IKZF2: variants seen among roughly 807,000 people sequenced by gnomAD.
IKZF2 encodes zinc finger protein Helios.
Under a neutral mutation model 49.2 loss-of-function variants are expected in IKZF2, and 15 were observed. The ratio of observed to expected loss-of-function variants is 0.30; its 90% CI spans 0.20 to 0.47. The LOEUF (loss-of-function observed/expected upper bound fraction) is 0.47. IKZF2 is among the 20% of genes least tolerant of loss of function. IKZF2 has a pLI of 1.00. For synonymous variants in IKZF2, 227 were observed against 221.4 expected (o/e 1.03, Z -0.23); for missense variants, 567 against 664.6 (o/e 0.85, Z 1.61).
At chr2:213,049,488 G>A (rs1272910862) in intron 6 of IKZF2, among the ~76,000 whole-genome samples, 1 of 151,992 alleles carries the variant, frequency 6.6e-6, no homozygotes, top group Non-Finnish European at 1.5e-5. Flanking sequence ...ATATATTGAA[G>A]TAAGATACTC....
intron 4 of IKZF2, among the ~76,000 whole-genome samples, chr2:213,088,663 C>T (rs2125623548): frequency 6.6e-6 from 1 of 152,212 alleles, no homozygotes; most frequent in African/African-American, 2.4e-5. Flanking sequence ...GAATCTGAGG[C>T]AGGAGAATCG....
Position 213,007,417 on chromosome 2 carries a change from G to T in IKZF2, c.1524C>A (p.Ser508Arg). Residue 508 changes from serine to arginine, a missense_variant, in exon 9 of 9, where the codon AGC becomes AGA. Ser to Arg is a moderately radical substitution (Grantham distance 110). This residue lies in a region of IKZF2 where 25 missense variants were observed against 27.0 expected (regional missense o/e 0.93). Transcript: ENST00000434687. ...GTGATGAAAACTCATAACGGTCCTGGCTTCTGTAGCCACAGATGTTGCATT... is the reference window on the plus strand; with the variant it reads ...GTGATGAAAACTCATAACGGTCCTGTCTTCTGTAGCCACAGATGTTGCATT... ...PLECNICGYR[S>R]QDRYEFSSHI... 1 of 1,613,496 alleles carries T rather than the reference G, an allele frequency of 6.2e-7. No individual in the cohort carries two copies. Among genetic ancestry groups the T allele is most frequent in the Non-Finnish European group, 8.5e-7 (1 of 1,179,634 alleles).
intron 4 of IKZF2, among the ~76,000 whole-genome samples, chr2:213,122,959 C>T (rs1188611972): frequency 6.6e-6 from 1 of 152,138 alleles, no homozygotes; most frequent in Non-Finnish European, 1.5e-5. Context: ...TGCTAAGGTG[C>T]ACATATTGAA....
At chr2:213,129,994 A>C in intron 4 of IKZF2, among the ~76,000 whole-genome samples, 1 of 152,358 alleles carries the variant, frequency 6.6e-6, no homozygotes, top group East Asian at 1.9e-4. Flanking sequence ...GGACCTGTAC[A>C]TAAAGATATA....
chr2:213,059,487 G>A (rs541324330), intron 4 of IKZF2, among the ~76,000 whole-genome samples: 1 of 151,404 alleles, frequency 6.6e-6, no homozygotes, highest in Admixed American at 6.6e-5. Context: ...AAATGCTATT[G>A]GTTATCCCAT....
At chr2:213,066,330 G>C (rs1031187481) in intron 4 of IKZF2, among the ~76,000 whole-genome samples, 3 of 152,012 alleles carry the variant, frequency 2.0e-5, no homozygotes, top group Non-Finnish European at 4.4e-5. Context: ...GGCAACAGAG[G>C]GAGGGAGGAG....
At chr2:213,076,061 T>G (rs1276879523) in intron 4 of IKZF2, among the ~76,000 whole-genome samples, 1 of 152,116 alleles carries the variant, frequency 6.6e-6, no homozygotes, top group Non-Finnish European at 1.5e-5. Context: ...AATCACTGAT[T>G]GTAAAAAAAC....
intron 4 of IKZF2, among the ~76,000 whole-genome samples, chr2:213,131,366 T>A (rs993119032): frequency 7.2e-5 from 11 of 152,206 alleles, no homozygotes; most frequent in Admixed American, 7.2e-4. Context: ...TTTTCATGTA[T>A]ATCTACTAAA....
chr2:213,093,767 T>C (rs1047434210), intron 4 of IKZF2, among the ~76,000 whole-genome samples: 17 of 152,282 alleles, frequency 1.1e-4, no homozygotes, highest in Admixed American at 3.3e-4. Context: ...ACTAGCTTTA[T>C]TGTCTTGGAA....
chr2:213,128,620 T>TTTGTTG lies in IKZF2; in HGVS notation c.139+19082_139+19087dup, dbSNP rs10692074. ...CAAGCCAAGAGTCAGAAGATAAGGTTTTGTTGTTGTTGTTGTTGTTTTTCA... is the reference window on the plus strand; with the variant it reads ...CAAGCCAAGAGTCAGAAGATAAGGTTTTGTTGTTGTTGTTGTTGTTGTTGTTTTTCA... On this transcript the variant is annotated intron_variant, in intron 4 of 8. Transcript: ENST00000434687. Among the ~76,000 whole-genome samples the TTTGTTG allele has an allele frequency of 9.2e-3, 1,397 of 151,092 alleles. 21 individuals are homozygous for TTTGTTG. The highest frequency in any genetic ancestry group is 0.032 in the African/African-American group (1,324 of 40,820).
At chr2:213,106,325 T>C (rs1559281718) in intron 4 of IKZF2, among the ~76,000 whole-genome samples, 1 of 151,834 alleles carries the variant, frequency 6.6e-6, no homozygotes, top group Non-Finnish European at 1.5e-5. Context: ...AAAGGAAGAG[T>C]TGGTCTAACT....
At chr2:213,047,070 A>C (rs1700218339) in intron 6 of IKZF2, among the ~76,000 whole-genome samples, 1 of 152,146 alleles carries the variant, frequency 6.6e-6, no homozygotes, top group African/African-American at 2.4e-5. Context: ...GACTCTTTCC[A>C]ACATGGAAGA....
intron 6 of IKZF2, among the ~76,000 whole-genome samples, chr2:213,048,694 C>T (rs1437624043): frequency 6.6e-6 from 1 of 151,820 alleles, no homozygotes; most frequent in African/African-American, 2.4e-5. Flanking sequence ...TTTGTAACTG[C>T]CCCAAATTTA....
At chr2:213,136,235 G>T (rs2060658561) in intron 4 of IKZF2, among the ~76,000 whole-genome samples, 4 of 145,570 alleles carry the variant, frequency 2.7e-5, no homozygotes, top group African/African-American at 1.0e-4. Context: ...GCTGGACGTG[G>T]TGATGGGCGC....
intron 4 of IKZF2, among the ~76,000 whole-genome samples, chr2:213,109,373 T>C (rs1377470548): frequency 6.6e-6 from 1 of 152,088 alleles, no homozygotes; most frequent in African/African-American, 2.4e-5. Context: ...TAGGGCTACA[T>C]ATCATAAGTA....
At chr2:213,085,888 T>C (rs1021331397) in intron 4 of IKZF2, among the ~76,000 whole-genome samples, 4 of 152,188 alleles carry the variant, frequency 2.6e-5, no homozygotes, top group African/African-American at 9.6e-5. Context: ...CCAAAAGAGA[T>C]GGACTTTACT....
intron 4 of IKZF2, chr2:213,081,290 T>C (rs961265665): frequency 1.3e-5 from 2 of 152,602 alleles, no homozygotes; most frequent in African/African-American, 4.9e-5. Context: ...AGAATAGGTA[T>C]GTAAGTATGT....
chr2:213,048,301 C>T (rs1207324181), intron 6 of IKZF2, among the ~76,000 whole-genome samples: 2 of 151,956 alleles, frequency 1.3e-5, no homozygotes, highest in African/African-American at 4.8e-5. Flanking sequence ...AATATGTACA[C>T]ACAAAACCAT....
chr2:213,108,961 T>C (rs948572953), intron 4 of IKZF2, among the ~76,000 whole-genome samples: 12 of 152,116 alleles, frequency 7.9e-5, no homozygotes, highest in Admixed American at 5.9e-4. Flanking sequence ...TTTCTTTACA[T>C]ATTTGAGATC....
Sources: gnomAD v4.1 joint callset for allele counts (sites outside exome capture counted in the v4.1 genomes callset) on GRCh38, gnomAD v4.1.1 for gene constraint, gnomAD v4.1.1 regional missense constraint, MANE v1.5 for transcripts, NCBI Gene and HGNC (gene_info 2026-07-23, HGNC 2026-07-21) for gene names.